GRIA2: variants seen among roughly 807,000 people sequenced by gnomAD.
GRIA2 encodes glutamate receptor 2.
Under a neutral mutation model 97.3 loss-of-function variants are expected in GRIA2, and 14 were observed. The observed-to-expected ratio is 0.14, with a 90% CI of 0.10 to 0.23. GRIA2 has a LOEUF of 0.23. GRIA2 is among the 10% of genes least tolerant of loss of function. The pLI, the probability that GRIA2 is intolerant of heterozygous loss-of-function variation, is 1.00. For missense variants in GRIA2, 558 were observed against 1,069.8 expected (o/e 0.52, Z 6.67); for synonymous variants, 412 against 387.8 (o/e 1.06, Z -0.73).
At chr4:157,253,649 C>T (rs1047982961) in intron 2 of GRIA2, among the ~76,000 whole-genome samples, 1 of 152,008 alleles carries the variant, frequency 6.6e-6, no homozygotes, top group Non-Finnish European at 1.5e-5. Flanking sequence ...ATTGCCTCTA[C>T]CAAAGTTTAT....
intron 2 of GRIA2, among the ~76,000 whole-genome samples, chr4:157,279,796 T>A (rs913794875): frequency 6.6e-6 from 1 of 152,162 alleles, no homozygotes; most frequent in Non-Finnish European, 1.5e-5. Context: ...ATTTTTATTT[T>A]GTTTCTTGTT....
rs531021963 is a variant in GRIA2, at chr4:157,351,412, C to A, written c.2044-8484C>A. ...TTCACATTGTATGCATATATGTGCACGTATAGTTAATACATAAGGTATAAT... is the reference window on the plus strand; with the variant it reads ...TTCACATTGTATGCATATATGTGCAAGTATAGTTAATACATAAGGTATAAT... On this transcript the variant is annotated intron_variant, in intron 12 of 15. Coordinates refer to ENST00000264426, the MANE Select transcript of GRIA2 (RefSeq NM_001083619.3). Among the ~76,000 whole-genome samples the A allele has an allele frequency of 2.0e-5, 3 of 152,028 alleles. No homozygotes were observed. In the South Asian group the frequency reaches 6.2e-4, roughly 32 times the overall value.
At chr4:157,341,947 C>T (rs533097953) in intron 12 of GRIA2, 5 of 163,250 alleles carry the variant, frequency 3.1e-5, no homozygotes, top group African/African-American at 1.2e-4. Flanking sequence ...CAAGGAAAAG[C>T]CAACAAAGGC....
intron 3 of GRIA2, 22 bp downstream of exon 3, chr4:157,303,813 CTT>C (rs1560756367): frequency 1.2e-6 from 2 of 1,610,520 alleles, no homozygotes; most frequent in Non-Finnish European, 1.7e-6. Flanking sequence ...TATCTCATCT[CTT>C]TGTAATGGGG....
intron 12 of GRIA2, among the ~76,000 whole-genome samples, chr4:157,359,291 G>T (rs1387136503): frequency 6.6e-6 from 1 of 152,036 alleles, no homozygotes; most frequent in Non-Finnish European, 1.5e-5. Context: ...GGATTTTGGT[G>T]TTTAAATATT....
intron 2 of GRIA2, among the ~76,000 whole-genome samples, chr4:157,230,834 A>AT (rs962428178): frequency 3.3e-5 from 5 of 151,356 alleles, no homozygotes; most frequent in South Asian, 2.1e-4. Flanking sequence ...TTTGGTTTTG[A>AT]TTTTTTTTCC....
intron 1 of GRIA2, chr4:157,221,454 GGCCGCCTACCTC>G (rs1300042623): frequency 5.6e-5 from 33 of 589,176 alleles, no homozygotes; most frequent in Non-Finnish European, 4.5e-5. Flanking sequence ...GAAGGTTTCT[GGCCGCCTACCTC>G]GCCTTCAGAC....
intron 2 of GRIA2, among the ~76,000 whole-genome samples, chr4:157,264,221 T>C (rs1057084668): frequency 6.6e-6 from 1 of 152,146 alleles, no homozygotes; most frequent in Non-Finnish European, 1.5e-5. Context: ...TACAAATCTA[T>C]TATTTTACAG....
At chr4:157,355,399 G>A (rs1419920979) in intron 12 of GRIA2, among the ~76,000 whole-genome samples, 3 of 151,200 alleles carry the variant, frequency 2.0e-5, no homozygotes, top group African/African-American at 4.8e-5. Context: ...GTGGTGGCAC[G>A]TGCCTGTAAT....
At chr4:157,294,771 G>A (rs984485449) in intron 2 of GRIA2, among the ~76,000 whole-genome samples, 3 of 152,108 alleles carry the variant, frequency 2.0e-5, no homozygotes, top group Non-Finnish European at 4.4e-5. Flanking sequence ...CAGCTGGCTG[G>A]TGTCACAGCA....
In GRIA2 at chr4:157,321,590, A is replaced by C. The variant is rs765130271; in HGVS notation, c.873A>C (p.Thr291=). 22 of 1,608,012 alleles carry C rather than the reference A, an allele frequency of 1.4e-5. No homozygotes were observed. Among genetic ancestry groups the C allele is most frequent in the Non-Finnish European group, 2.5e-6 (3 of 1,176,576 alleles). The change falls in exon 6 of 16, where the codon ACA becomes ACC. Residue 291 remains threonine (T), a synonymous_variant. Transcript: ENST00000264426. ...EEKEYPGAHT[T]TIKYTSALTY... ...AAGAATACCCTGGAGCTCACACAAC[A>C]ACAATTAAGGTTTGCTTTGGTTTCT...
chr4:157,302,502 C>G (rs1007043296), intron 2 of GRIA2, among the ~76,000 whole-genome samples: 1 of 152,184 alleles, frequency 6.6e-6, no homozygotes, highest in South Asian at 2.1e-4. Context: ...CATCTATCTC[C>G]TATGCAAGTG....
intron 2 of GRIA2, among the ~76,000 whole-genome samples, chr4:157,244,464 A>G (rs1322993794): frequency 6.6e-6 from 1 of 152,098 alleles, no homozygotes; most frequent in African/African-American, 2.4e-5. Flanking sequence ...AAAGATTTCC[A>G]TACTCACAAA....
intron 11 of GRIA2, among the ~76,000 whole-genome samples, chr4:157,337,313 A>T (rs1289096601): frequency 1.3e-5 from 2 of 152,076 alleles, no homozygotes; most frequent in East Asian, 3.9e-4. Flanking sequence ...CTAATCATTC[A>T]TTAAAAAACC....
intron 2 of GRIA2, among the ~76,000 whole-genome samples, chr4:157,274,622 GC>G (rs774523242): frequency 3.3e-5 from 5 of 150,594 alleles, no homozygotes; most frequent in Admixed American, 2.0e-4. Flanking sequence ...GCGGTGTTTG[GC>G]TTTTTGTCCT....
intron 2 of GRIA2, among the ~76,000 whole-genome samples, chr4:157,240,880 C>T (rs1402752598): frequency 1.3e-5 from 2 of 151,014 alleles, no homozygotes; most frequent in African/African-American, 2.4e-5. Context: ...CCACAACAGT[C>T]CCCAGAGTGT....
chr4:157,342,509 A>G (rs1735591798), intron 12 of GRIA2: 1 of 956,726 alleles, frequency 1.0e-6, no homozygotes, highest in African/African-American at 1.8e-5. Flanking sequence ...GTGGACCATC[A>G]GCAGCTTTTT....
In GRIA2 at chr4:157,243,625, C is replaced by T. The variant is rs989454944; in HGVS notation, c.229+21818C>T. ...TGTCTAAGCAACAATTTTTGTGAAT[C>T]CTGTTATCATAGGTTTTTTCCACTT... On this transcript the variant is annotated intron_variant, in intron 2 of 15. Transcript: ENST00000264426. Among the ~76,000 whole-genome samples the T allele has an allele frequency of 6.6e-5, 10 of 152,206 alleles. No homozygotes were observed. The East Asian group carries it at 1.7e-3, about 26-fold the overall frequency.
intron 2 of GRIA2, among the ~76,000 whole-genome samples, chr4:157,241,216 G>C (rs1338102643): frequency 6.6e-6 from 1 of 152,114 alleles, no homozygotes; most frequent in Non-Finnish European, 1.5e-5. Flanking sequence ...TTTCTAGGAT[G>C]AAAATTACAT....
Sources: gnomAD v4.1 joint callset for allele counts (sites outside exome capture counted in the v4.1 genomes callset) on GRCh38, gnomAD v4.1.1 for gene constraint, MANE v1.5 for transcripts, NCBI Gene and HGNC (gene_info 2026-07-23, HGNC 2026-07-21) for gene names.